The following DENND5B variants were observed in gnomAD, a reference collection of about 807,000 sequenced individuals.
The protein encoded by DENND5B is DENN domain containing 5B.
Under a neutral mutation model 140.6 loss-of-function variants are expected in DENND5B, and 34 were observed. The observed-to-expected ratio is 0.24, with a 90% CI of 0.18 to 0.32. The LOEUF (loss-of-function observed/expected upper bound fraction) is 0.32, where lower values mean the gene tolerates loss of function less well. Among genes scored for constraint, DENND5B ranks in the 10% least tolerant of loss-of-function variants. The probability of loss-of-function intolerance (pLI) is 1.00; values close to 1 mark genes in which losing one functional copy is unlikely to be tolerated. For synonymous variants in DENND5B, 551 were observed against 562.1 expected (o/e 0.98, Z 0.28); for missense variants, 1,142 against 1,560.2 (o/e 0.73, Z 4.52).
chr12:31,522,357 T>TCC (rs1266724516), intron 1 of DENND5B, among the ~76,000 whole-genome samples: 1 of 152,186 alleles, frequency 6.6e-6, no homozygotes, highest in Non-Finnish European at 1.5e-5. Context: ...TTCATGTACC[T>TCC]CCCTTTGAAA....
chr12:31,453,234 C>CT (rs1444530525), intron 4 of DENND5B, among the ~76,000 whole-genome samples: 2 of 152,102 alleles, frequency 1.3e-5, no homozygotes, highest in African/African-American at 2.4e-5. Flanking sequence ...TAACTATGCA[C>CT]TTGATTAACC....
intron 1 of DENND5B, among the ~76,000 whole-genome samples, chr12:31,519,799 T>C (rs1171965234): frequency 6.6e-6 from 1 of 152,238 alleles, no homozygotes; most frequent in Non-Finnish European, 1.5e-5. Context: ...TATTGAGCTA[T>C]ATTGCACATA....
At chr12:31,499,599 T>C (rs1946926697) in intron 1 of DENND5B, 1 of 1,488,878 alleles carries the variant, frequency 6.7e-7, no homozygotes, top group Non-Finnish European at 8.9e-7. Context: ...CTTAATTTTA[T>C]TTTTACCTGA....
At chr12:31,408,059 G>GATTGTGCACATTGGGAGGA (rs1184821604) in intron 14 of DENND5B, among the ~76,000 whole-genome samples, 1 of 152,318 alleles carries the variant, frequency 6.6e-6, no homozygotes, top group East Asian at 1.9e-4. Flanking sequence ...ACATTGGGAG[G>GATTGTGCACATTGGGAGGA]TTGAGGCGGA....
rs1452787203 is a variant in DENND5B, at chr12:31,389,320, G to A, written c.3641+4C>T. The A allele has an allele frequency of 1.2e-6, 2 of 1,609,430 alleles. No homozygotes were observed. The highest frequency in any genetic ancestry group is 1.7e-6 in the Non-Finnish European group (2 of 1,177,810). On this transcript the variant is annotated splice_donor_region_variant and intron_variant, in intron 20 of 20. Coordinates refer to ENST00000389082, the MANE Select transcript of DENND5B (RefSeq NM_144973.4). ...ATAGGGAAAATAAAAAACTGGTTTT[G>A]TACCTTGTTCCAAGGCAAACTAAAA...
intron 2 of DENND5B, among the ~76,000 whole-genome samples, chr12:31,494,332 C>T (rs766233673): frequency 1.3e-5 from 2 of 152,022 alleles, no homozygotes; most frequent in Non-Finnish European, 2.9e-5. Flanking sequence ...CTGCCTCAAC[C>T]TCCTGAGTAG....
At chr12:31,454,425 T>C (rs995255177) in intron 4 of DENND5B, among the ~76,000 whole-genome samples, 1 of 152,160 alleles carries the variant, frequency 6.6e-6, no homozygotes, top group Non-Finnish European at 1.5e-5. Flanking sequence ...CTGAAGACAG[T>C]AGCACTGCCT....
intron 4 of DENND5B, among the ~76,000 whole-genome samples, chr12:31,453,802 C>T (rs1944648250): frequency 6.6e-6 from 1 of 152,022 alleles, no homozygotes; most frequent in Admixed American, 6.6e-5. Context: ...ATGTTAGATA[C>T]CAATTAGCAA....
chr12:31,461,139 G>A (rs1945001016), intron 3 of DENND5B, among the ~76,000 whole-genome samples: 1 of 152,084 alleles, frequency 6.6e-6, no homozygotes, highest in African/African-American at 2.4e-5. Flanking sequence ...GAGTGCAGTG[G>A]CATGATCTCG....
chr12:31,413,320 G>A, intron 13 of DENND5B, 116 bp downstream of exon 13: 2 of 1,215,248 alleles, frequency 1.6e-6, no homozygotes, highest in Non-Finnish European at 2.2e-6. Flanking sequence ...AAAGAAGAAT[G>A]CATGTGCACA....
intron 7 of DENND5B, among the ~76,000 whole-genome samples, chr12:31,439,038 TA>T (rs1943908680): frequency 1.3e-5 from 2 of 152,254 alleles, no homozygotes; most frequent in African/African-American, 4.8e-5. Flanking sequence ...GCACTGCGCT[TA>T]AGCAAACTGC....
At chr12:31,423,951 T>C (rs1943131343) in intron 10 of DENND5B, among the ~76,000 whole-genome samples, 1 of 152,198 alleles carries the variant, frequency 6.6e-6, no homozygotes, top group East Asian at 1.9e-4. Context: ...AGGTTGTTAC[T>C]TGGTTGTATG....
At chr12:31,558,190 C>A (rs1949361220) in intron 1 of DENND5B, among the ~76,000 whole-genome samples, 2 of 152,188 alleles carry the variant, frequency 1.3e-5, no homozygotes, top group Admixed American at 1.3e-4. Flanking sequence ...AAAGACCAGA[C>A]AGTTTTATTG....
chr12:31,577,816 C>A (rs191031039), intron 1 of DENND5B, among the ~76,000 whole-genome samples: 1 of 150,738 alleles, frequency 6.6e-6, no homozygotes, highest in Admixed American at 6.6e-5. Flanking sequence ...GTCTTCACAG[C>A]AGAACTGAAT....
intron 1 of DENND5B, among the ~76,000 whole-genome samples, chr12:31,517,042 C>T (rs967237503): frequency 1.3e-5 from 2 of 152,234 alleles, no homozygotes; most frequent in African/African-American, 2.4e-5. Context: ...AATGTTAACA[C>T]TTTGCTATAT....
At chr12:31,545,535 T>C (rs1948827620) in intron 1 of DENND5B, among the ~76,000 whole-genome samples, 1 of 152,180 alleles carries the variant, frequency 6.6e-6, no homozygotes, top group Admixed American at 6.6e-5. Context: ...GACAAAAGAA[T>C]GTTAAGCAAA....
At chr12:31,566,680 A>G (rs1490439713) in intron 1 of DENND5B, among the ~76,000 whole-genome samples, 14 of 152,168 alleles carry the variant, frequency 9.2e-5, no homozygotes. Flanking sequence ...TTTCATCATC[A>G]AACTGCCCAA....
chr12:31,399,086 C>A (rs1463491774), intron 16 of DENND5B, among the ~76,000 whole-genome samples: 1 of 133,884 alleles, frequency 7.5e-6, no homozygotes, highest in African/African-American at 2.8e-5. Context: ...TGCGCCATTG[C>A]ACTCCAGCCT....
At position 31,399,590 on chromosome 12, in the gene DENND5B, A is replaced by T. The variant is rs902397464; in HGVS notation, c.3068+64T>A. On this transcript the variant is annotated intron_variant, in intron 16 of 20. Coordinates refer to ENST00000389082, the MANE Select transcript of DENND5B (RefSeq NM_144973.4). The stretch of plus-strand genomic sequence containing the variant: ...CACTGTGCCTGGCCTACAATTCTTA[A>T]ACCTTTTCTTACCTGAAGAGTCTTA... 5 of 1,367,298 alleles carry T rather than the reference A, an allele frequency of 3.7e-6. No homozygotes were observed. In the African/African-American group the frequency reaches 7.1e-5, roughly 20 times the overall value. 84.7% of individuals were successfully genotyped at this position (1,367,298 alleles called of 1,614,324 possible). A position where few individuals can be genotyped will look rare whatever the true frequency, so the allele number is the denominator to read the frequency against.
Sources: gnomAD v4.1 joint callset for allele counts (sites outside exome capture counted in the v4.1 genomes callset) on GRCh38, gnomAD v4.1.1 for gene constraint, MANE v1.5 for transcripts, NCBI Gene and HGNC (gene_info 2026-07-23, HGNC 2026-07-21) for gene names.